Variants in FSTL5 observed in about 807,000 individuals in gnomAD.
FSTL5 encodes follistatin like 5.
In FSTL5, 62 loss-of-function variants were observed where a neutral mutation model predicts 89.1. That is an observed-to-expected ratio of 0.70 (90% CI 0.57 to 0.86). The LOEUF (loss-of-function observed/expected upper bound fraction) is 0.86. FSTL5 is among the 40% of genes least tolerant of loss of function. FSTL5 has a pLI of 0.00. For synonymous variants in FSTL5, 383 were observed against 346.2 expected (o/e 1.11, Z -1.18); for missense variants, 1,057 against 1,001.6 (o/e 1.06, Z -0.75).
At chr4:161,804,985 C>A (rs1014798413) in intron 4 of FSTL5, among the ~76,000 whole-genome samples, 1 of 151,994 alleles carries the variant, frequency 6.6e-6, no homozygotes, top group East Asian at 1.9e-4. Flanking sequence ...TCTTTTGAGG[C>A]AACCTGCATT....
At chr4:161,867,524 T>C (rs1732131525) in intron 4 of FSTL5, among the ~76,000 whole-genome samples, 1 of 151,808 alleles carries the variant, frequency 6.6e-6, no homozygotes, top group Non-Finnish European at 1.5e-5. Flanking sequence ...GAAGGTTACA[T>C]ATATAACTAT....
chr4:161,614,117 C>A (rs1338047356), intron 7 of FSTL5, among the ~76,000 whole-genome samples: 1 of 152,068 alleles, frequency 6.6e-6, no homozygotes, highest in Non-Finnish European at 1.5e-5. Context: ...GTTCATAGTG[C>A]AGTTTTATCT....
At chr4:162,112,565 C>T (rs1426520222) in intron 1 of FSTL5, among the ~76,000 whole-genome samples, 1 of 152,044 alleles carries the variant, frequency 6.6e-6, no homozygotes, top group Non-Finnish European at 1.5e-5. Flanking sequence ...ATTTTAAACT[C>T]CCTTTCTCAA....
chr4:161,725,192 T>TA (rs989717091), intron 6 of FSTL5, among the ~76,000 whole-genome samples: 140 of 150,954 alleles, frequency 9.3e-4, no homozygotes, highest in Middle Eastern at 3.4e-3. Flanking sequence ...AAAATAAACA[T>TA]AAAAAAAAAT....
chr4:161,749,475 C>T (rs1371419449), intron 6 of FSTL5, among the ~76,000 whole-genome samples: 1 of 152,080 alleles, frequency 6.6e-6, no homozygotes, highest in Non-Finnish European at 1.5e-5. Flanking sequence ...TAAGTGAGAG[C>T]TAAACAATGG....
chr4:161,574,917 C>T (rs1733158786), intron 8 of FSTL5, among the ~76,000 whole-genome samples: 1 of 152,174 alleles, frequency 6.6e-6, no homozygotes, highest in Non-Finnish European at 1.5e-5. Context: ...TGAGGAATTG[C>T]CACACTGTCT....
intron 15 of FSTL5, among the ~76,000 whole-genome samples, chr4:161,393,416 G>C (rs1209535118): frequency 1.3e-5 from 2 of 151,710 alleles, no homozygotes; most frequent in Non-Finnish European, 2.9e-5. Context: ...TATCCTTAAG[G>C]TAAACTACAG....
At chr4:162,120,934 A>C (rs2111432311) in intron 1 of FSTL5, among the ~76,000 whole-genome samples, 1 of 152,102 alleles carries the variant, frequency 6.6e-6, no homozygotes, top group Non-Finnish European at 1.5e-5. Context: ...CCATCTTTAT[A>C]GAATCATCTA....
intron 4 of FSTL5, among the ~76,000 whole-genome samples, chr4:161,811,562 C>T (rs57392342): frequency 0.14 from 20,986 of 151,744 alleles, 2,784 homozygotes; most frequent in African/African-American, 0.34. Flanking sequence ...TTTTGCACAG[C>T]ATACAGTATG....
intron 6 of FSTL5, among the ~76,000 whole-genome samples, chr4:161,668,674 G>A (rs911087823): frequency 1.3e-5 from 2 of 152,010 alleles, no homozygotes; most frequent in East Asian, 3.9e-4. Context: ...ACTATGACAC[G>A]TTGGTGTTTG....
intron 2 of FSTL5, among the ~76,000 whole-genome samples, chr4:162,094,695 AGAG>A (rs1730680917): frequency 6.6e-6 from 1 of 152,224 alleles, no homozygotes; most frequent in African/African-American, 2.4e-5. Context: ...AATATATGAA[AGAG>A]TAGTTGCCCT....
chr4:162,062,166 C>T (rs113811267), intron 2 of FSTL5, among the ~76,000 whole-genome samples: 29 of 151,786 alleles, frequency 1.9e-4, no homozygotes, highest in Middle Eastern at 3.4e-3. Flanking sequence ...TGATTAGCAA[C>T]ATTAATACAA....
intron 15 of FSTL5, among the ~76,000 whole-genome samples, chr4:161,417,354 A>C (rs1469830265): frequency 6.6e-6 from 1 of 152,170 alleles, no homozygotes; most frequent in African/African-American, 2.4e-5. Flanking sequence ...CCCTCTTTTA[A>C]TCACGCCATT....
chr4:161,587,627 A>C (rs542336549), intron 7 of FSTL5, 52 bp from the exon 8 acceptor site: 1 of 1,453,208 alleles, frequency 6.9e-7, no homozygotes, highest in African/African-American at 1.4e-5. Flanking sequence ...TAATTGTAAC[A>C]ATTTCAATTT....
intron 6 of FSTL5, among the ~76,000 whole-genome samples, chr4:161,732,504 AT>A (rs1399961240): frequency 1.3e-5 from 2 of 152,022 alleles, no homozygotes; most frequent in Non-Finnish European, 2.9e-5. Context: ...TTGATAAAAT[AT>A]ATTTGAATAA....
intron 4 of FSTL5, among the ~76,000 whole-genome samples, chr4:161,853,353 C>T (rs1470068700): frequency 1.3e-5 from 2 of 152,004 alleles, no homozygotes; most frequent in East Asian, 2.0e-4. Flanking sequence ...CTGCAACCTC[C>T]GCTTCCTGGG....
chr4:162,110,151 C>T (rs531108142), intron 2 of FSTL5, among the ~76,000 whole-genome samples: 84 of 152,052 alleles, frequency 5.5e-4, no homozygotes, highest in African/African-American at 1.9e-3. Context: ...TACTTACTTC[C>T]TTTTTTGTTG....
intron 2 of FSTL5, among the ~76,000 whole-genome samples, chr4:162,081,719 C>A (rs1047980178): frequency 6.6e-6 from 1 of 151,482 alleles, no homozygotes; most frequent in Non-Finnish European, 1.5e-5. Flanking sequence ...ATATGACACC[C>A]TGTCCATAGA....
chr4:161,590,292 C>A (rs1171001596), intron 7 of FSTL5, among the ~76,000 whole-genome samples: 1 of 152,152 alleles, frequency 6.6e-6, no homozygotes, highest in African/African-American at 2.4e-5. Flanking sequence ...GTAATCCCAA[C>A]ACTTTGGGGG....
Sources: allele counts gnomAD v4.1 joint callset (sites outside exome capture counted in the v4.1 genomes callset), GRCh38; gene constraint gnomAD v4.1.1; transcripts MANE v1.5; gene names NCBI Gene and HGNC (gene_info 2026-07-23, HGNC 2026-07-21).